PDE8B: variants seen among roughly 807,000 people sequenced by gnomAD.
PDE8B encodes high affinity cAMP-specific and IBMX-insensitive 3',5'-cyclic phosphodiesterase 8B.
PDE8B carries 26 observed loss-of-function variants against 101.3 expected under a neutral mutation model. That is an observed-to-expected ratio of 0.26 (90% CI 0.19 to 0.36). The LOEUF (loss-of-function observed/expected upper bound fraction) is 0.36, where lower values mean the gene tolerates loss of function less well. Ranked by LOEUF, PDE8B falls within the 10% of genes least tolerant of loss-of-function variation. The pLI is 1.00. For synonymous variants in PDE8B, 424 were observed against 429.3 expected (o/e 0.99, Z 0.15); for missense variants, 810 against 1,163.1 (o/e 0.70, Z 4.42).
chr5:77,318,769 T>C (rs1468160667), intron 2 of PDE8B, among the ~76,000 whole-genome samples: 1 of 152,242 alleles, frequency 6.6e-6, no homozygotes, highest in Non-Finnish European at 1.5e-5. Context: ...ACAGAGCTTA[T>C]GTGATCTATA....
At chr5:77,318,231 A>G (rs1774267419) in intron 2 of PDE8B, among the ~76,000 whole-genome samples, 1 of 152,086 alleles carries the variant, frequency 6.6e-6, no homozygotes, top group African/African-American at 2.4e-5. Flanking sequence ...TGAGGGATGG[A>G]GATGTTCAGA....
chr5:77,341,538 A>G (rs1175990030), intron 6 of PDE8B, among the ~76,000 whole-genome samples: 1 of 152,244 alleles, frequency 6.6e-6, no homozygotes, highest in East Asian at 1.9e-4. Context: ...TACTTAGGCA[A>G]GAGAGGAATT....
At chr5:77,310,854 G>A (rs1219749494) in intron 1 of PDE8B, among the ~76,000 whole-genome samples, 4 of 152,188 alleles carry the variant, frequency 2.6e-5, no homozygotes, top group African/African-American at 9.7e-5. Context: ...AAGAAGACTG[G>A]TGCTTTGGAG....
At chr5:77,135,633 T>C in the PDE8B span, among the ~76,000 whole-genome samples, 5 of 152,028 alleles carry the variant, frequency 3.3e-5, no homozygotes, top group Non-Finnish European at 7.4e-5. Context: ...CGCGCCACCA[T>C]GCCCAGCTAA....
chr5:77,318,534 G>T (rs191149718), intron 2 of PDE8B, among the ~76,000 whole-genome samples: 1 of 152,312 alleles, frequency 6.6e-6, no homozygotes, highest in African/African-American at 2.4e-5. Context: ...ATAAAATAGG[G>T]ATAATGCCCA....
chr5:77,320,291 C>G (rs1474489987), intron 2 of PDE8B, among the ~76,000 whole-genome samples: 3 of 152,182 alleles, frequency 2.0e-5, no homozygotes, highest in Non-Finnish European at 1.5e-5. Context: ...CAGTCTGATT[C>G]TACTATGCAA....
chr5:77,324,162 A>G (rs1775614769), intron 2 of PDE8B, among the ~76,000 whole-genome samples: 1 of 152,176 alleles, frequency 6.6e-6, no homozygotes, highest in Non-Finnish European at 1.5e-5. Flanking sequence ...GCAGAAGAAT[A>G]TTGAGTGCCT....
At chr5:77,426,217 G>GT (rs1475045081) in intron 21 of PDE8B, 1 of 604,370 alleles carries the variant, frequency 1.7e-6, no homozygotes, top group Non-Finnish European at 2.9e-6. Context: ...AATGTATTTA[G>GT]TTTACTCTGA....
At chr5:77,219,303 A>T (rs1750555949) in intron 1 of PDE8B, among the ~76,000 whole-genome samples, 1 of 152,176 alleles carries the variant, frequency 6.6e-6, no homozygotes. Context: ...TGTACATCTA[A>T]AACCTGTTTT....
intron 14 of PDE8B, chr5:77,410,475 C>T (rs1488848339): frequency 6.6e-6 from 1 of 152,252 alleles, no homozygotes; most frequent in Non-Finnish European, 1.5e-5. Context: ...CCCTGTTCTA[C>T]CTAGTCCTCA....
intron 10 of PDE8B, among the ~76,000 whole-genome samples, chr5:77,387,275 C>G (rs1788905172): frequency 2.0e-5 from 3 of 152,128 alleles, no homozygotes; most frequent in African/African-American, 7.2e-5. Flanking sequence ...GAGAAAATCT[C>G]TCGGTATTTG....
intron 1 of PDE8B, among the ~76,000 whole-genome samples, chr5:77,260,157 C>CAAA (rs66923234): frequency 3.0e-5 from 3 of 100,972 alleles, no homozygotes; most frequent in South Asian, 3.4e-4. Context: ...AACTCCATCA[C>CAAA]AAAAAAAAAA....
At chr5:77,129,470 T>C in the PDE8B span, among the ~76,000 whole-genome samples, 1 of 151,976 alleles carries the variant, frequency 6.6e-6, no homozygotes, top group Non-Finnish European at 1.5e-5. Flanking sequence ...CTGTCACATA[T>C]TGAATGAGTG....
intron 1 of PDE8B, 61 bp from the exon 2 acceptor site, chr5:77,311,933 A>C: frequency 7.8e-7 from 1 of 1,287,304 alleles, no homozygotes; most frequent in Non-Finnish European, 1.1e-6. Context: ...TGCGTAAGGA[A>C]GGATGTATCC....
At chr5:77,344,320 C>T (rs1456381703) in intron 6 of PDE8B, among the ~76,000 whole-genome samples, 1 of 152,230 alleles carries the variant, frequency 6.6e-6, no homozygotes, top group African/African-American at 2.4e-5. Flanking sequence ...GCTACGACAC[C>T]ACTAGGCAAT....
At chr5:77,268,832 A>T (rs1057309644) in intron 1 of PDE8B, among the ~76,000 whole-genome samples, 1 of 150,548 alleles carries the variant, frequency 6.6e-6, no homozygotes, top group Non-Finnish European at 1.5e-5. Flanking sequence ...AGATGATTGG[A>T]TAAAGAAATG....
chr5:77,221,968 T>C (rs1751179415), intron 1 of PDE8B, among the ~76,000 whole-genome samples: 1 of 152,170 alleles, frequency 6.6e-6, no homozygotes, highest in Non-Finnish European at 1.5e-5. Context: ...CATCCTGGTG[T>C]CCACCTAGCC....
At chr5:77,146,822 G>T in the PDE8B span, 1 of 356,518 alleles carries the variant, frequency 2.8e-6, no homozygotes, top group South Asian at 2.8e-5. Context: ...ATCCCCTTTA[G>T]GACGAAAAAG....
At chr5:77,108,153 T>C in the PDE8B span, among the ~76,000 whole-genome samples, 1 of 152,222 alleles carries the variant, frequency 6.6e-6, no homozygotes, top group South Asian at 2.1e-4. Context: ...TTCTATCATC[T>C]ATATGATTCC....
Sources: gnomAD v4.1 joint callset for allele counts (sites outside exome capture counted in the v4.1 genomes callset) on GRCh38, gnomAD v4.1.1 for gene constraint, MANE v1.5 for transcripts, NCBI Gene and HGNC (gene_info 2026-07-23, HGNC 2026-07-21) for gene names.